DLG2: variants seen among roughly 807,000 people sequenced by gnomAD.
The protein encoded by DLG2 is discs large MAGUK scaffold protein 2.
Under a neutral mutation model 132.5 loss-of-function variants are expected in DLG2, and 45 were observed. That is an observed-to-expected ratio of 0.34 (90% CI 0.27 to 0.44). The LOEUF (loss-of-function observed/expected upper bound fraction) is 0.44, where lower values mean the gene tolerates loss of function less well. Among genes scored for constraint, DLG2 ranks in the 20% least tolerant of loss-of-function variants. The probability of loss-of-function intolerance (pLI) is 1.00; values close to 1 mark genes in which losing one functional copy is unlikely to be tolerated. For synonymous variants in DLG2, 424 were observed against 419.6 expected (o/e 1.01, Z -0.13); for missense variants, 1,045 against 1,196.9 (o/e 0.87, Z 1.87).
At chr11:83,600,933 T>C (rs1411564527) in intron 19 of DLG2, among the ~76,000 whole-genome samples, 1 of 152,228 alleles carries the variant, frequency 6.6e-6, no homozygotes, top group Non-Finnish European at 1.5e-5. Context: ...TGATAAACAA[T>C]GTCTGTTCTG....
chr11:85,172,297 A>C (rs2078932754), intron 4 of DLG2, among the ~76,000 whole-genome samples: 2 of 152,308 alleles, frequency 1.3e-5, no homozygotes, highest in South Asian at 4.1e-4. Flanking sequence ...TTCACTGATG[A>C]TATCTCCAGG....
At chr11:84,645,300 T>C (rs947988376) in intron 6 of DLG2, among the ~76,000 whole-genome samples, 3 of 152,158 alleles carry the variant, frequency 2.0e-5, no homozygotes, top group Admixed American at 6.5e-5. Context: ...AAATAAAATA[T>C]GTCAAGTAAC....
At chr11:84,839,547 G>C (rs1380147186) in intron 6 of DLG2, among the ~76,000 whole-genome samples, 5 of 152,072 alleles carry the variant, frequency 3.3e-5, no homozygotes, top group Non-Finnish European at 4.4e-5. Context: ...ACAATCCTAA[G>C]CAAAAAGAAC....
chr11:84,038,025 A>G (rs1375539151), intron 11 of DLG2, among the ~76,000 whole-genome samples: 1 of 151,994 alleles, frequency 6.6e-6, no homozygotes, highest in African/African-American at 2.4e-5. Flanking sequence ...TTATCTATGT[A>G]AATTTGTGTC....
chr11:85,020,314 G>T (rs1358555832), intron 6 of DLG2, among the ~76,000 whole-genome samples: 6 of 152,114 alleles, frequency 3.9e-5, no homozygotes, highest in Non-Finnish European at 7.4e-5. Flanking sequence ...TGATGGGGTT[G>T]ATTTTTTCTT....
chr11:84,999,893 GC>G (rs2058045518), intron 6 of DLG2, among the ~76,000 whole-genome samples: 1 of 152,060 alleles, frequency 6.6e-6, no homozygotes, highest in South Asian at 2.1e-4. Flanking sequence ...TAAACAAAAT[GC>G]CTTAAGAAAC....
intron 3 of DLG2, among the ~76,000 whole-genome samples, chr11:85,365,606 T>C (rs1244056217): frequency 6.6e-6 from 1 of 152,166 alleles, no homozygotes; most frequent in African/African-American, 2.4e-5. Context: ...GGATTATAAA[T>C]CATTCTACTA....
At chr11:85,454,774 T>G (rs907299472) in intron 3 of DLG2, among the ~76,000 whole-genome samples, 1 of 152,206 alleles carries the variant, frequency 6.6e-6, no homozygotes, top group Non-Finnish European at 1.5e-5. Flanking sequence ...CCACCACTAT[T>G]TATTGAATAG....
intron 6 of DLG2, among the ~76,000 whole-genome samples, chr11:84,793,995 T>G (rs1254501074): frequency 1.3e-5 from 2 of 152,214 alleles, no homozygotes; most frequent in Admixed American, 1.3e-4. Context: ...ATTTCTGCCT[T>G]CCTTGTAGTG....
chr11:84,768,196 G>A (rs1416107875), intron 6 of DLG2, among the ~76,000 whole-genome samples: 1 of 152,058 alleles, frequency 6.6e-6, no homozygotes, highest in Admixed American at 6.6e-5. Context: ...ACAAATAGAC[G>A]ATTCTTATCC....
chr11:83,479,377 G>C (rs1015397927), intron 22 of DLG2, among the ~76,000 whole-genome samples: 19 of 152,038 alleles, frequency 1.2e-4, no homozygotes, highest in Admixed American at 9.8e-4. Flanking sequence ...GCTATAACGG[G>C]GGGGGGAAAA....
intron 3 of DLG2, among the ~76,000 whole-genome samples, chr11:85,567,528 A>AT (rs1340809160): frequency 3.9e-5 from 6 of 151,930 alleles, no homozygotes; most frequent in Non-Finnish European, 7.4e-5. Context: ...AGCTCTACTC[A>AT]TTTTTTTGTA....
At chr11:85,590,300 G>C (rs1269491842) in intron 3 of DLG2, among the ~76,000 whole-genome samples, 1 of 152,170 alleles carries the variant, frequency 6.6e-6, no homozygotes, top group East Asian at 1.9e-4. Flanking sequence ...CTGAGGGAGA[G>C]CAACATGTAA....
intron 15 of DLG2, among the ~76,000 whole-genome samples, chr11:83,905,698 G>T (rs1272046432): frequency 6.6e-6 from 1 of 152,062 alleles, no homozygotes; most frequent in Admixed American, 6.6e-5. Context: ...CTAATTTATT[G>T]TTAAGCACTT....
intron 6 of DLG2, among the ~76,000 whole-genome samples, chr11:84,879,189 T>TGCAA (rs1353539586): frequency 2.0e-5 from 3 of 152,132 alleles, no homozygotes; most frequent in Non-Finnish European, 4.4e-5. Context: ...CTCTAATGGC[T>TGCAA]GCAAGTCAAT....
intron 21 of DLG2, among the ~76,000 whole-genome samples, chr11:83,517,281 T>C (rs1360262980): frequency 2.0e-5 from 3 of 152,216 alleles, no homozygotes; most frequent in Admixed American, 6.5e-5. Context: ...TGATCTTCCA[T>C]CACTGATACC....
intron 18 of DLG2, among the ~76,000 whole-genome samples, chr11:83,777,505 C>T (rs1213433805): frequency 6.6e-6 from 1 of 152,168 alleles, no homozygotes; most frequent in Admixed American, 6.5e-5. Flanking sequence ...ACATTACTTT[C>T]CTTCAGCCTC....
Position 85,305,990 on chromosome 11 carries a change from A to G in DLG2, c.41-20625T>C, listed in dbSNP as rs986006819. 2.0e-5 allele frequency among the ~76,000 whole-genome samples: 3 copies of G among 152,196 alleles called. No homozygotes were observed. In the South Asian group the frequency reaches 6.2e-4, roughly 32 times the overall value. On this transcript the variant is annotated intron_variant, in intron 3 of 27. Transcript: ENST00000376104. ...GAAAGAAGATACATTCCAGAATCCA[A>G]CTTGGGTTTGAGTCCCAGCTCTGCC... is the stretch of plus-strand genomic sequence containing the variant.
At chr11:85,518,535 T>C (rs1313618590) in intron 3 of DLG2, among the ~76,000 whole-genome samples, 2 of 152,266 alleles carry the variant, frequency 1.3e-5, no homozygotes, top group East Asian at 1.9e-4. Context: ...TTGGGTGCTA[T>C]TAAAGGCATT....
Sources: allele counts gnomAD v4.1 joint callset (sites outside exome capture counted in the v4.1 genomes callset), GRCh38; gene constraint gnomAD v4.1.1; transcripts MANE v1.5; gene names NCBI Gene and HGNC (gene_info 2026-07-23, HGNC 2026-07-21).